DNAJC17: variants seen among roughly 807,000 people sequenced by gnomAD.
DNAJC17 encodes the protein dnaJ homolog subfamily C member 17.
A neutral mutation model predicts 48.1 loss-of-function variants in DNAJC17; 35 were observed. That is an observed-to-expected ratio of 0.73 (90% CI 0.56 to 0.96). DNAJC17 has a LOEUF of 0.96. DNAJC17 is among the 50% of genes least tolerant of loss of function. The probability of loss-of-function intolerance (pLI) is 0.00; values close to 1 mark genes in which losing one functional copy is unlikely to be tolerated. For missense variants in DNAJC17, 355 were observed against 377.1 expected, an observed-to-expected ratio of 0.94 and a Z score of 0.48; for synonymous variants, 117 against 142.7, an observed-to-expected ratio of 0.82 and a Z score of 1.28.
Position 40,767,827 on chromosome 15 carries a change from A to G in DNAJC17, c.*113T>C. ...AGGCCTGGGTGGAGCGCTCTGCGGCAGAGCCCAGCACCTTATACCTATGTA... is the reference window on the plus strand; with the variant it reads ...AGGCCTGGGTGGAGCGCTCTGCGGCGGAGCCCAGCACCTTATACCTATGTA... On this transcript the variant is annotated 3_prime_UTR_variant, in exon 11 of 11. Transcript: ENST00000220496. 3.4e-6 allele frequency: 5 copies of G among 1,461,134 alleles called. No homozygotes were observed. The South Asian group carries it at 6.8e-5, about 20-fold the overall frequency. The allele number at this position is 1,461,134 out of a possible 1,614,324, so 90.5% of individuals were successfully genotyped here.
intron 1 of DNAJC17, among the ~76,000 whole-genome samples, chr15:40,804,431 AAAAC>A (rs1890151685): frequency 6.6e-6 from 1 of 151,504 alleles, no homozygotes; most frequent in African/African-American, 2.4e-5. Flanking sequence ...AAAAAAAGCA[AAAAC>A]AAACACAAAA....
At chr15:40,793,233 C>T (rs1889856826) in intron 1 of DNAJC17, among the ~76,000 whole-genome samples, 1 of 152,128 alleles carries the variant, frequency 6.6e-6, no homozygotes, top group Non-Finnish European at 1.5e-5. Flanking sequence ...TTCTTTTCTC[C>T]CTTCAAGATC....
chr15:40,806,560 G>C (rs1424801885), intron 1 of DNAJC17, among the ~76,000 whole-genome samples: 2 of 150,108 alleles, frequency 1.3e-5, no homozygotes, highest in Non-Finnish European at 3.0e-5. Flanking sequence ...TTTTGAGAAA[G>C]AGTCTTGCTC....
At chr15:40,784,000 G>A (rs1566825960) in intron 1 of DNAJC17, among the ~76,000 whole-genome samples, 1 of 152,172 alleles carries the variant, frequency 6.6e-6, no homozygotes, top group Non-Finnish European at 1.5e-5. Context: ...GCTGAGGCGG[G>A]CGAATCAGTT....
chr15:40,804,774 G>A (rs531068333), intron 1 of DNAJC17, among the ~76,000 whole-genome samples: 5 of 152,274 alleles, frequency 3.3e-5, no homozygotes, highest in South Asian at 2.1e-4. Flanking sequence ...GGCCAAGGCC[G>A]GCAGATCACT....
Position 40,773,717 on chromosome 15 carries a change from G to A in DNAJC17, c.792+10C>T. ...CTGAGCGCCCAGCCGGGCGAGGCCT[G>A]ACTCCTCACCTTTGACAGTCCTGAG... On this transcript the variant is annotated intron_variant, in intron 10 of 10. Coordinates refer to ENST00000220496, the MANE Select transcript of DNAJC17 (RefSeq NM_018163.3). The A allele has an allele frequency of 6.2e-7, 1 of 1,609,598 alleles. No individual in the cohort carries two copies. Among genetic ancestry groups the A allele is most frequent in the South Asian group, 1.1e-5 (1 of 90,762 alleles).
chr15:40,765,581 T>C lies in DNAJC17; in HGVS notation c.*2359A>G, dbSNP rs544809155. On this transcript the variant is annotated 3_prime_UTR_variant, in exon 11 of 11. Coordinates refer to ENST00000220496, the MANE Select transcript of DNAJC17 (RefSeq NM_018163.3). Reference sequence around the variant, plus strand: ...AGCCTCAGTAGCTGGAACTATAGGCTCGTGATACTTTGCCTGGCTAAAGCT... The same window carrying C: ...AGCCTCAGTAGCTGGAACTATAGGCCCGTGATACTTTGCCTGGCTAAAGCT... The C allele has an allele frequency of 3.1e-6, 1 of 322,920 alleles. No homozygotes were observed. The highest frequency in any genetic ancestry group is 1.4e-4 in the South Asian group (1 of 7,162). The allele number at this position is 322,920 out of a possible 1,614,324, so 20.0% of individuals were successfully genotyped here.
At chr15:40,785,642 C>T (rs963471072) in intron 1 of DNAJC17, among the ~76,000 whole-genome samples, 4 of 152,110 alleles carry the variant, frequency 2.6e-5, no homozygotes, top group African/African-American at 9.7e-5. Flanking sequence ...AGCAGGATGC[C>T]AATTGGACAG....
chr15:40,778,870 G>T (rs1482675657), intron 4 of DNAJC17, among the ~76,000 whole-genome samples: 2 of 152,110 alleles, frequency 1.3e-5, no homozygotes, highest in African/African-American at 4.8e-5. Context: ...GAGGGTGGGG[G>T]TTGCAGTGAG....
At chr15:40,788,418 C>T (rs943485789) in intron 1 of DNAJC17, among the ~76,000 whole-genome samples, 4 of 152,134 alleles carry the variant, frequency 2.6e-5, no homozygotes, top group African/African-American at 4.8e-5. Flanking sequence ...AAAAATGGGC[C>T]GGGCACGGTG....
chr15:40,802,253 C>G (rs960110059), intron 1 of DNAJC17, among the ~76,000 whole-genome samples: 9 of 151,696 alleles, frequency 5.9e-5, no homozygotes, highest in African/African-American at 2.2e-4. Flanking sequence ...TCACTGCAAC[C>G]TCCGCCTCCC....
At chr15:40,773,935 C>T in intron 9 of DNAJC17, 98 bp from the exon 10 acceptor site, 1 of 1,100,866 alleles carries the variant, frequency 9.1e-7, no homozygotes, top group East Asian at 2.6e-5. Flanking sequence ...CGTTCTAGCC[C>T]TCTAAGCAGA....
At chr15:40,787,835 AAGGGATCCAATAAATACAAAAT>A (rs1405551824) in intron 1 of DNAJC17, among the ~76,000 whole-genome samples, 1 of 152,206 alleles carries the variant, frequency 6.6e-6, no homozygotes, top group Non-Finnish European at 1.5e-5. Context: ...GCTAAGTGCT[AAGGGATCCAATAAATACAAAAT>A]AGCCATCATT....
At chr15:40,791,879 A>T (rs1889816499) in intron 1 of DNAJC17, among the ~76,000 whole-genome samples, 1 of 152,172 alleles carries the variant, frequency 6.6e-6, no homozygotes, top group Admixed American at 6.5e-5. Flanking sequence ...AAACAGGCTC[A>T]GTACCCAACC....
At chr15:40,797,806 C>T (rs1889978289) in intron 1 of DNAJC17, among the ~76,000 whole-genome samples, 1 of 149,778 alleles carries the variant, frequency 6.7e-6, no homozygotes, top group African/African-American at 2.5e-5. Flanking sequence ...ACTGCAACCT[C>T]CGCCTCCTGG....
Position 40,773,714 on chromosome 15 carries a change from C to T in DNAJC17, c.792+13G>A, listed in dbSNP as rs573698366. On this transcript the variant is annotated intron_variant, in intron 10 of 10. Transcript: ENST00000220496. Reference sequence around the variant, plus strand: ...GACCTGAGCGCCCAGCCGGGCGAGGCCTGACTCCTCACCTTTGACAGTCCT... The same window carrying T: ...GACCTGAGCGCCCAGCCGGGCGAGGTCTGACTCCTCACCTTTGACAGTCCT... The T allele has an allele frequency of 6.2e-6, 10 of 1,607,464 alleles. No individual in the cohort carries two copies. Among genetic ancestry groups the T allele is most frequent in the Non-Finnish European group, 8.5e-6 (10 of 1,175,884 alleles).
intron 1 of DNAJC17, among the ~76,000 whole-genome samples, chr15:40,801,737 C>CAAAAAAAAAAAAA (rs1048222450): frequency 1.6e-5 from 1 of 63,846 alleles, no homozygotes; most frequent in African/African-American, 5.1e-5. Context: ...GACTCCGTCT[C>CAAAAAAAAAAAAA]AAAAAAAAAA....
In DNAJC17 at chr15:40,797,515, C is replaced by T. The variant is rs559659151; in HGVS notation, c.78+9854G>A. 5.3e-5 allele frequency among the ~76,000 whole-genome samples: 8 copies of T among 150,838 alleles called. No homozygotes were observed. In the South Asian group the frequency reaches 6.3e-4, roughly 12 times the overall value. The stretch of plus-strand genomic sequence containing the variant: ...TGCAACCTCCGCCTCTGGGTTCAAG[C>T]GATTCTCCTGCCTCAGCCTCCCTAG... On this transcript the variant is annotated intron_variant, in intron 1 of 10. Transcript: ENST00000220496.
chr15:40,774,167 C>A (rs2141947699), intron 9 of DNAJC17, 189 bp downstream of exon 9: 1 of 668,464 alleles, frequency 1.5e-6, no homozygotes, highest in Non-Finnish European at 2.6e-6. Flanking sequence ...GAGCACCCCC[C>A]ATCCATCCCT....
Sources: allele counts gnomAD v4.1 joint callset (sites outside exome capture counted in the v4.1 genomes callset), GRCh38; gene constraint gnomAD v4.1.1; transcripts MANE v1.5; gene names NCBI Gene and HGNC (gene_info 2026-07-23, HGNC 2026-07-21).